Variants in SYN3 observed in about 807,000 individuals in gnomAD.
SYN3 encodes synapsin-3.
Under a neutral mutation model 65.8 loss-of-function variants are expected in SYN3, and 35 were observed. The ratio of observed to expected loss-of-function variants is 0.53; its 90% CI spans 0.41 to 0.70. SYN3 has a LOEUF of 0.70. Ranked by LOEUF, SYN3 falls within the 30% of genes least tolerant of loss-of-function variation. SYN3 has a pLI of 0.00. For synonymous variants in SYN3, 270 were observed against 292.9 expected, an observed-to-expected ratio of 0.92 and a Z score of 0.80; for missense variants, 680 against 749.0, an observed-to-expected ratio of 0.91 and a Z score of 1.08.
intron 6 of SYN3, among the ~76,000 whole-genome samples, chr22:32,616,237 C>G (rs751290370): frequency 4.6e-5 from 7 of 151,892 alleles, no homozygotes; most frequent in Non-Finnish European, 1.0e-4. Context: ...GCAGGAGCCT[C>G]GAGGTGGCGA....
At chr22:32,732,993 A>G (rs1475922317) in intron 6 of SYN3, among the ~76,000 whole-genome samples, 1 of 152,232 alleles carries the variant, frequency 6.6e-6, no homozygotes, top group East Asian at 1.9e-4. Context: ...TTCACAGCTG[A>G]TAAGTGATTC....
At chr22:32,669,491 T>G (rs1033095474) in intron 6 of SYN3, among the ~76,000 whole-genome samples, 7 of 152,188 alleles carry the variant, frequency 4.6e-5, no homozygotes, top group African/African-American at 1.7e-4. Context: ...TAAACACTGG[T>G]GTATGCAAAT....
intron 6 of SYN3, among the ~76,000 whole-genome samples, chr22:32,600,260 TA>T (rs1344300521): frequency 6.6e-6 from 1 of 152,170 alleles, no homozygotes; most frequent in Admixed American, 6.5e-5. Context: ...GAGGGCAACC[TA>T]CATTCCTCGA....
chr22:32,739,182 G>T (rs1403024080), intron 6 of SYN3, among the ~76,000 whole-genome samples: 1 of 151,642 alleles, frequency 6.6e-6, no homozygotes, highest in Non-Finnish European at 1.5e-5. Context: ...ACAGGGGGGG[G>T]GCGGTTTCCC....
chr22:32,890,453 T>C (rs1342840429), intron 4 of SYN3, among the ~76,000 whole-genome samples: 2 of 151,998 alleles, frequency 1.3e-5, no homozygotes, highest in Admixed American at 1.3e-4. Context: ...TGATCTTGGC[T>C]CATTGCAAGC....
chr22:33,005,178 G>A (rs926097305), intron 2 of SYN3, among the ~76,000 whole-genome samples: 12 of 152,046 alleles, frequency 7.9e-5, no homozygotes, highest in Admixed American at 2.0e-4. Flanking sequence ...ACCCAGTCTC[G>A]GGCAGTTCTT....
intron 3 of SYN3, among the ~76,000 whole-genome samples, chr22:32,948,765 G>T (rs9621607): frequency 0.098 from 8,079 of 82,202 alleles, 701 homozygotes; most frequent in African/African-American, 0.27. Context: ...TAAGTTCCTC[G>T]GTATGGTTTT....
intron 7 of SYN3, among the ~76,000 whole-genome samples, chr22:32,586,383 T>C (rs1028775109): frequency 1.3e-5 from 2 of 152,198 alleles, no homozygotes; most frequent in African/African-American, 4.8e-5. Flanking sequence ...GACATTTTAA[T>C]ATATATTGTT....
At chr22:32,708,976 C>A (rs2060918433) in intron 6 of SYN3, among the ~76,000 whole-genome samples, 1 of 152,166 alleles carries the variant, frequency 6.6e-6, no homozygotes, top group Non-Finnish European at 1.5e-5. Context: ...GAGAGAATCA[C>A]TCGAGCCCTG....
intron 6 of SYN3, among the ~76,000 whole-genome samples, chr22:32,692,100 T>C (rs2060669013): frequency 6.7e-6 from 1 of 148,754 alleles, no homozygotes. Context: ...TGGTCATTGT[T>C]TTTTTTTTGT....
At chr22:32,869,640 A>G (rs989042813) in intron 4 of SYN3, among the ~76,000 whole-genome samples, 3 of 149,514 alleles carry the variant, frequency 2.0e-5, no homozygotes, top group Admixed American at 6.7e-5. Flanking sequence ...GTGTAGCCTC[A>G]TGGCTCCGGC....
chr22:32,642,448 T>A lies in SYN3; in HGVS notation c.712-45712A>T, dbSNP rs573454406. Among the ~76,000 whole-genome samples the A allele has an allele frequency of 3.0e-3, 450 of 149,402 alleles. 1 individual carries two copies. Among genetic ancestry groups the A allele is most frequent in the African/African-American group, 9.8e-3 (394 of 40,306 alleles). The stretch of plus-strand genomic sequence containing the variant: ...TTTGATTTTTTATCTTTTTATTTTA[T>A]TTTTTTAATTGAGATGGAGTCTTGC... On this transcript the variant is annotated intron_variant, in intron 6 of 13. Transcript: ENST00000358763.
chr22:32,996,012 G>A (rs962602445), intron 2 of SYN3, among the ~76,000 whole-genome samples: 1 of 152,064 alleles, frequency 6.6e-6, no homozygotes, highest in African/African-American at 2.4e-5. Flanking sequence ...AGAAGGAGGA[G>A]GGGAAGCCTT....
chr22:32,709,307 A>G (rs1262052775), intron 6 of SYN3, among the ~76,000 whole-genome samples: 2 of 152,258 alleles, frequency 1.3e-5, no homozygotes, highest in Admixed American at 1.3e-4. Flanking sequence ...AACCAAGAAT[A>G]GGAACCAATG....
intron 6 of SYN3, among the ~76,000 whole-genome samples, chr22:32,747,329 T>A (rs60485467): frequency 1.7e-3 from 40 of 23,404 alleles, no homozygotes; most frequent in Non-Finnish European, 3.0e-3. Flanking sequence ...ACAAAACAAA[T>A]CAAAACAAAA....
At chr22:32,614,428 A>T (rs2059487146) in intron 6 of SYN3, among the ~76,000 whole-genome samples, 1 of 152,228 alleles carries the variant, frequency 6.6e-6, no homozygotes, top group Non-Finnish European at 1.5e-5. Context: ...GTATGGACAC[A>T]GTGGAGGGAT....
At chr22:32,596,652 G>A in intron 7 of SYN3, 22 bp downstream of exon 7, 1 of 1,613,368 alleles carries the variant, frequency 6.2e-7, no homozygotes, top group Non-Finnish European at 8.5e-7. Context: ...TCCACTGTGA[G>A]TGGAAGGGCT....
intron 7 of SYN3, among the ~76,000 whole-genome samples, chr22:32,595,572 C>G (rs186376130): frequency 6.6e-6 from 1 of 152,272 alleles, no homozygotes; most frequent in African/African-American, 2.4e-5. Flanking sequence ...TCCATGAAGC[C>G]AGATGTGTTT....
At chr22:32,705,053 T>G (rs1468001376) in intron 6 of SYN3, among the ~76,000 whole-genome samples, 8 of 152,252 alleles carry the variant, frequency 5.3e-5, no homozygotes, top group Admixed American at 5.2e-4. Context: ...AGCTCTTACG[T>G]TGAATTAGAT....
Sources: gnomAD v4.1 joint callset for allele counts (sites outside exome capture counted in the v4.1 genomes callset) on GRCh38, gnomAD v4.1.1 for gene constraint, MANE v1.5 for transcripts, NCBI Gene and HGNC (gene_info 2026-07-23, HGNC 2026-07-21) for gene names.